NEUROD4: variants seen among roughly 807,000 people sequenced by gnomAD.
NEUROD4 encodes neuronal differentiation 4.
A neutral mutation model predicts 19.8 loss-of-function variants in NEUROD4; 16 were observed. That is an observed-to-expected ratio of 0.81 (90% CI 0.55 to 1.23). The LOEUF (loss-of-function observed/expected upper bound fraction) is 1.23. Among genes scored for constraint, NEUROD4 ranks in the 50% most tolerant of loss-of-function variants. The probability of loss-of-function intolerance (pLI) is 0.00; values close to 1 mark genes in which losing one functional copy is unlikely to be tolerated. For synonymous variants in NEUROD4, 153 were observed against 147.9 expected (o/e 1.03, Z -0.25); for missense variants, 439 against 398.6 (o/e 1.10, Z -0.86).
chr12:55,027,158 A>G lies in NEUROD4; in HGVS notation c.719A>G (p.His240Arg), dbSNP rs772438217. 8.7e-6 allele frequency: 14 copies of G among 1,614,054 alleles called. No individual in the cohort carries two copies. Among genetic ancestry groups the G allele is most frequent in the Middle Eastern group, 1.6e-4 (1 of 6,084 alleles). Reference protein sequence around the residue: ...KSLGESSFGSHLPDCSTPPYE... With the variant: ...KSLGESSFGSRLPDCSTPPYE... ...TTGGGAGAATCGTCCTTTGGGAGCCATCTGCCTGACTGCAGTACACCCCCT... is the reference window on the plus strand; with the variant it reads ...TTGGGAGAATCGTCCTTTGGGAGCCGTCTGCCTGACTGCAGTACACCCCCT... Residue 240 changes from histidine (H) to arginine (R), a missense_variant, in exon 2 of 2, where the codon CAT becomes CGT. Physicochemically the swap from His to Arg is conservative, Grantham distance 29. Coordinates refer to ENST00000242994, the MANE Select transcript of NEUROD4 (RefSeq NM_021191.3).
In NEUROD4 at chr12:55,027,509, C is replaced by A; in HGVS notation, c.*74C>A. 1 of 1,408,772 alleles carries A rather than the reference C, an allele frequency of 7.1e-7. No homozygotes were observed. The allele number at this position is 1,408,772 out of a possible 1,614,324, so 87.3% of individuals were successfully genotyped here. A position where few individuals can be genotyped will look rare whatever the true frequency, so the allele number is the denominator to read the frequency against. On this transcript the variant is annotated 3_prime_UTR_variant, in exon 2 of 2. Coordinates refer to ENST00000242994, the MANE Select transcript of NEUROD4 (RefSeq NM_021191.3). The stretch of plus-strand genomic sequence containing the variant: ...AATTCAAGTGGTTGAGCTAAAGATT[C>A]AATGACCTTAAAGGATCCCTATGGA...
Position 55,020,602 on chromosome 12 carries a change from G to A in NEUROD4, c.-10+289G>A, listed in dbSNP as rs181115519. Reference sequence around the variant, plus strand: ...ATACAGATGATCTCCCCCAATTCCTGTCAAAGCCACTCTTTCATTTTGTTA... The same window carrying A: ...ATACAGATGATCTCCCCCAATTCCTATCAAAGCCACTCTTTCATTTTGTTA... On this transcript the variant is annotated intron_variant, in intron 1 of 1. Coordinates refer to ENST00000242994, the MANE Select transcript of NEUROD4 (RefSeq NM_021191.3). Among the ~76,000 whole-genome samples, 18 of 152,230 alleles carry A rather than the reference G, an allele frequency of 1.2e-4. No homozygotes were observed. In the East Asian group the frequency reaches 3.3e-3, roughly 28 times the overall value.
At position 55,027,361 on chromosome 12, in the gene NEUROD4, C is replaced by T; in HGVS notation, c.922C>T (p.Pro308Ser). The T allele has an allele frequency of 6.2e-7, 1 of 1,613,926 alleles. No homozygotes were observed. Among genetic ancestry groups the T allele is most frequent in the Non-Finnish European group, 8.5e-7 (1 of 1,179,834 alleles). Reference sequence around the variant, plus strand: ...GGCTGGTACCCCCCGTTATGATGTTCCTATAGACATGTCCTATGATTCCTA... The same window carrying T: ...GGCTGGTACCCCCCGTTATGATGTTTCTATAGACATGTCCTATGATTCCTA... ...FQAGTPRYDV[P>S]IDMSYDSYPH... is the part of the protein sequence containing the mutation. The change falls in exon 2 of 2, where the codon CCT (proline) becomes TCT (serine). Residue 308 changes from proline (P) to serine (S), a missense_variant. Coordinates refer to ENST00000242994, the MANE Select transcript of NEUROD4 (RefSeq NM_021191.3).
chr12:55,020,524 G>T (rs1952667623), intron 1 of NEUROD4, among the ~76,000 whole-genome samples: 1 of 152,294 alleles, frequency 6.6e-6, no homozygotes, highest in South Asian at 2.1e-4. Context: ...TATAGCACTT[G>T]CCACCCAAAG....
intron 1 of NEUROD4, among the ~76,000 whole-genome samples, chr12:55,021,479 A>G (rs1341234789): frequency 6.6e-6 from 1 of 152,222 alleles, no homozygotes; most frequent in Non-Finnish European, 1.5e-5. Flanking sequence ...CCACAAATCC[A>G]CATGTGAGTT....
intron 1 of NEUROD4, among the ~76,000 whole-genome samples, chr12:55,023,046 C>G (rs568883286): frequency 2.0e-5 from 3 of 152,150 alleles, no homozygotes; most frequent in South Asian, 4.2e-4. Context: ...TTTTATGCTC[C>G]TAATAATCCT....
rs188046665 is a variant in NEUROD4 at position 55,029,903 on chromosome 12, T to C, written c.*2468T>C. ...TGCTCTCCAACATAGGGTGGTCTCATTCTTCTGGAGACTTTTTTAGATAAA... is the reference window on the plus strand; with the variant it reads ...TGCTCTCCAACATAGGGTGGTCTCACTCTTCTGGAGACTTTTTTAGATAAA... On this transcript the variant is annotated 3_prime_UTR_variant, in exon 2 of 2. Transcript: ENST00000242994. 38 of 167,222 alleles carry C rather than the reference T, an allele frequency of 2.3e-4. No individual in the cohort carries two copies. Among genetic ancestry groups the C allele is most frequent in the African/African-American group, 8.7e-4 (36 of 41,582 alleles). The allele number at this position is 167,222 out of a possible 1,614,324, so 10.4% of individuals were successfully genotyped here.
chr12:55,027,155 G>A lies in NEUROD4; in HGVS notation c.716G>A (p.Ser239Asn). 1.2e-6 allele frequency: 2 copies of A among 1,614,120 alleles called. No individual in the cohort carries two copies. The highest frequency in any genetic ancestry group is 4.5e-5 in the East Asian group (2 of 44,852). ...FKSLGESSFG[S>N]HLPDCSTPPY... Reference sequence around the variant, plus strand: ...AGTTTGGGAGAATCGTCCTTTGGGAGCCATCTGCCTGACTGCAGTACACCC... The same window carrying A: ...AGTTTGGGAGAATCGTCCTTTGGGAACCATCTGCCTGACTGCAGTACACCC... The change falls in exon 2 of 2, where the codon AGC becomes AAC. Residue 239 changes from serine (S) to asparagine (N), a missense_variant. Ser to Asn is a conservative substitution (Grantham distance 46). Coordinates refer to ENST00000242994, the MANE Select transcript of NEUROD4 (RefSeq NM_021191.3).
Position 55,027,600 on chromosome 12 carries a change from C to A in NEUROD4, c.*165C>A. ...TCACCTATCACCTCTTTTCTCATCA[C>A]CTTCTCACATTGCATTGATTTCTTT... is the stretch of plus-strand genomic sequence containing the variant. On this transcript the variant is annotated 3_prime_UTR_variant, in exon 2 of 2. Transcript: ENST00000242994. 1.6e-6 allele frequency: 1 copy of A among 644,784 alleles called. No homozygotes were observed. Among genetic ancestry groups the A allele is most frequent in the Non-Finnish European group, 2.7e-6 (1 of 366,706 alleles). The allele number at this position is 644,784 out of a possible 1,614,324, so 39.9% of individuals were successfully genotyped here. A position where few individuals can be genotyped will look rare whatever the true frequency, so the allele number is the denominator to read the frequency against.
rs1952732485 is a variant in NEUROD4 at position 55,026,557 on chromosome 12, A to G, written c.118A>G (p.Thr40Ala). 1.2e-6 allele frequency: 2 copies of G among 1,613,978 alleles called. No homozygotes were observed. Among genetic ancestry groups the G allele is most frequent in the Middle Eastern group, 1.6e-4 (1 of 6,062 alleles). Residue 40 changes from threonine (T) to alanine (A), a missense_variant, in exon 2 of 2, where the codon ACT becomes GCT. Thr to Ala is a moderately conservative substitution (Grantham distance 58, BLOSUM62 0). Transcript: ENST00000242994. ...GAAGGAGGAAGAGAGCAGACCAGGTACTTATGGGATGCTCAGCAGCTTAAC... is the reference window on the plus strand; with the variant it reads ...GAAGGAGGAAGAGAGCAGACCAGGTGCTTATGGGATGCTCAGCAGCTTAAC... ...EVKEEESRPG[T>A]YGMLSSLTEE...
At chr12:55,024,509 T>C (rs141397329) in intron 1 of NEUROD4, among the ~76,000 whole-genome samples, 9 of 152,310 alleles carry the variant, frequency 5.9e-5, no homozygotes, top group Admixed American at 2.0e-4. Context: ...ACAAATGTTA[T>C]TATAATTACA....
chr12:55,021,120 T>A (rs1051348168), intron 1 of NEUROD4, among the ~76,000 whole-genome samples: 1 of 152,184 alleles, frequency 6.6e-6, no homozygotes, highest in East Asian at 1.9e-4. Flanking sequence ...TCTGAGGCAA[T>A]GGCACCTGAA....
At chr12:55,022,915 C>T (rs1431250233) in intron 1 of NEUROD4, among the ~76,000 whole-genome samples, 1 of 152,032 alleles carries the variant, frequency 6.6e-6, no homozygotes, top group Non-Finnish European at 1.5e-5. Flanking sequence ...TCTAATTATA[C>T]CTATTCTTGT....
At chr12:55,025,436 C>A (rs1475949578) in intron 1 of NEUROD4, among the ~76,000 whole-genome samples, 1 of 151,990 alleles carries the variant, frequency 6.6e-6, no homozygotes, top group Admixed American at 6.6e-5. Flanking sequence ...TGTACTAAAC[C>A]TTGGATGGGT....
chr12:55,027,387 C>T lies in NEUROD4; in HGVS notation c.948C>T (p.Tyr316=), dbSNP rs1952747637. ...DVPIDMSYDS[Y]PHHGIGTQLN... is the part of the protein sequence containing the mutation. ...CTATAGACATGTCCTATGATTCCTA[C>T]CCCCATCATGGTATTGGGACCCAAC... The change falls in exon 2 of 2, where the codon TAC becomes TAT. Residue 316 remains tyrosine, a synonymous_variant. Coordinates refer to ENST00000242994, the MANE Select transcript of NEUROD4 (RefSeq NM_021191.3). 1.9e-6 allele frequency: 3 copies of T among 1,613,194 alleles called. No individual in the cohort carries two copies. The highest frequency in any genetic ancestry group is 2.5e-6 in the Non-Finnish European group (3 of 1,179,474).
At position 55,026,951 on chromosome 12, in the gene NEUROD4, C is replaced by G. The variant is rs765846574; in HGVS notation, c.512C>G (p.Ala171Gly). Reference protein sequence around the residue: ...GLSQPTSNLVAGCLQLGPQSV... With the variant: ...GLSQPTSNLVGGCLQLGPQSV... ...TCTCAGCCCACAAGCAACCTGGTGG[C>G]TGGATGTCTCCAACTGGGCCCTCAG... is the stretch of plus-strand genomic sequence containing the variant. The change falls in exon 2 of 2, where the codon GCT (alanine) becomes GGT (glycine). Residue 171 changes from alanine to glycine, a missense_variant. Ala to Gly is a moderately conservative substitution (Grantham distance 60). Transcript: ENST00000242994. 8 of 1,614,164 alleles carry G rather than the reference C, an allele frequency of 5.0e-6. No homozygotes were observed. The South Asian group carries it at 8.8e-5, about 18-fold the overall frequency.
At chr12:55,025,310 C>T (rs1351410110) in intron 1 of NEUROD4, among the ~76,000 whole-genome samples, 2 of 152,160 alleles carry the variant, frequency 1.3e-5, no homozygotes, top group African/African-American at 4.8e-5. Flanking sequence ...CCTGTGTTTG[C>T]CTGAAATAGT....
chr12:55,020,215 C>CTTTT lies in NEUROD4; in HGVS notation c.-107_-106insTTTT, dbSNP rs59684904. On this transcript the variant is annotated 5_prime_UTR_variant, in exon 1 of 2. Transcript: ENST00000242994. ...GTTTGACATGGATCGCTGAAAGCGT[C>CTTTT]TCTTCTACCATCTGGATGGTCAGGG... The CTTTT allele has an allele frequency of 0.32, 47,969 of 150,376 alleles. 8,337 individuals carry two copies. Among genetic ancestry groups the CTTTT allele is most frequent in the African/African-American group, 0.48 (19,130 of 39,886 alleles). The allele number at this position is 150,376 out of a possible 1,614,324, so 9.3% of individuals were successfully genotyped here. A position where few individuals can be genotyped will look rare whatever the true frequency, so the allele number is the denominator to read the frequency against.
rs1291168918 is a variant in NEUROD4 at position 55,021,832 on chromosome 12, T to C, written c.-10+1519T>C. ...AAAAATGGACTTTATAAGACCAGAA[T>C]GTGTTTATGTGTATGTGTAGGGAAG... On this transcript the variant is annotated intron_variant, in intron 1 of 1. Transcript: ENST00000242994. Among the ~76,000 whole-genome samples, 5 of 152,130 alleles carry C rather than the reference T, an allele frequency of 3.3e-5. 1 individual carries two copies. The highest frequency in any genetic ancestry group is 3.3e-4 in the Admixed American group (5 of 15,268).
Sources: allele counts gnomAD v4.1 joint callset (sites outside exome capture counted in the v4.1 genomes callset), GRCh38; gene constraint gnomAD v4.1.1; transcripts MANE v1.5; gene names NCBI Gene and HGNC (gene_info 2026-07-23, HGNC 2026-07-21).